The following PIK3C2G variants were observed in gnomAD, a reference collection of about 807,000 sequenced individuals.
PIK3C2G encodes phosphatidylinositol-4-phosphate 3-kinase catalytic subunit type 2 gamma.
In PIK3C2G, 168 loss-of-function variants were observed where a neutral mutation model predicts 181.1. The ratio of observed to expected loss-of-function variants is 0.93; its 90% CI spans 0.82 to 1.05. The LOEUF is 1.05. PIK3C2G is among the 50% of genes least tolerant of loss of function. PIK3C2G has a pLI of 0.00. For synonymous variants in PIK3C2G, 573 were observed against 592.2 expected, an observed-to-expected ratio of 0.97 and a Z score of 0.47; for missense variants, 1,869 against 1,732.8, an observed-to-expected ratio of 1.08 and a Z score of -1.40.
At chr12:18,382,890 A>C (rs1942933510) in intron 14 of PIK3C2G, among the ~76,000 whole-genome samples, 7 of 152,134 alleles carry the variant, frequency 4.6e-5, no homozygotes. Flanking sequence ...AAAATATTTA[A>C]CATGGAAAGG....
chr12:18,368,894 GTTTGA>G (rs952475713), intron 12 of PIK3C2G, among the ~76,000 whole-genome samples: 2 of 152,120 alleles, frequency 1.3e-5, no homozygotes, highest in Non-Finnish European at 2.9e-5. Flanking sequence ...AGTCACCAAT[GTTTGA>G]TTTGAAACCC....
rs760688996 is a variant in PIK3C2G, at chr12:18,320,995, C to G, written c.1171C>G (p.Gln391Glu). The stretch of plus-strand genomic sequence containing the variant: ...GGACCACAGTCAGTTTTATCTGAAT[C>G]AACTTCTAGAATTTATGCATATTTG... Reference protein sequence around the residue: ...EEDHSQFYLNQLLEFMHIWKV... With the variant: ...EEDHSQFYLNELLEFMHIWKV... The change falls in exon 7 of 33, where the codon CAA becomes GAA. Residue 391 changes from glutamine (Q) to glutamate (E), a missense_variant. Coordinates refer to ENST00000538779, the MANE Select transcript of PIK3C2G (RefSeq NM_001288772.2). 3 of 1,570,104 alleles carry G rather than the reference C, an allele frequency of 1.9e-6. No homozygotes were observed. In the Admixed American group the frequency reaches 5.1e-5, roughly 27 times the overall value.
intron 18 of PIK3C2G, among the ~76,000 whole-genome samples, chr12:18,487,331 AT>A (rs1344901553): frequency 2.6e-5 from 4 of 152,174 alleles, no homozygotes; most frequent in Non-Finnish European, 5.9e-5. Context: ...TTGAATAAAA[AT>A]AATTTGTTTG....
intron 24 of PIK3C2G, among the ~76,000 whole-genome samples, chr12:18,512,367 T>C (rs746667478): frequency 2.6e-5 from 4 of 151,994 alleles, no homozygotes; most frequent in Non-Finnish European, 5.9e-5. Context: ...CTGGTTTTTA[T>C]AGGAATTGCA....
intron 8 of PIK3C2G, among the ~76,000 whole-genome samples, chr12:18,326,022 T>C (rs546857317): frequency 6.6e-6 from 1 of 152,274 alleles, no homozygotes; most frequent in African/African-American, 2.4e-5. Context: ...AACACTCTAC[T>C]ATAGGGATGA....
intron 31 of PIK3C2G, among the ~76,000 whole-genome samples, chr12:18,638,878 C>T (rs970001712): frequency 1.3e-5 from 2 of 151,016 alleles, no homozygotes; most frequent in Admixed American, 1.3e-4. Flanking sequence ...GGCAGGATAT[C>T]CTCAAGTTCC....
At position 18,393,993 on chromosome 12, in the gene PIK3C2G, G is replaced by A. The variant is rs139782888; in HGVS notation, c.2126+2741G>A. On this transcript the variant is annotated intron_variant, in intron 15 of 32. Coordinates refer to ENST00000538779, the MANE Select transcript of PIK3C2G (RefSeq NM_001288772.2). Reference sequence around the variant, plus strand: ...AGTCTTCTTAAATATTTGGTTGAGTGCTAAACTACTCAACTTTCCAGGTGG... The same window carrying A: ...AGTCTTCTTAAATATTTGGTTGAGTACTAAACTACTCAACTTTCCAGGTGG... Among the ~76,000 whole-genome samples the A allele has an allele frequency of 2.4e-3, 366 of 152,174 alleles. 1 individual carries two copies. The highest frequency in any genetic ancestry group is 8.2e-3 in the African/African-American group (339 of 41,552).
chr12:18,723,465 T>C, the PIK3C2G span: 1 of 1,613,134 alleles, frequency 6.2e-7, no homozygotes, highest in Non-Finnish European at 8.5e-7. Context: ...CAATAATTTC[T>C]TCTCTGTGCG....
rs965207564 is a variant in PIK3C2G at position 18,527,333 on chromosome 12, C to T, written c.3324-10823C>T. Among the ~76,000 whole-genome samples the T allele has an allele frequency of 2.0e-5, 3 of 152,076 alleles. No individual in the cohort carries two copies. In the East Asian group the frequency reaches 5.8e-4, roughly 29 times the overall value. On this transcript the variant is annotated intron_variant, in intron 24 of 32. Coordinates refer to ENST00000538779, the MANE Select transcript of PIK3C2G (RefSeq NM_001288772.2). ...GTAGTATCCAACTAAAGAAATAGTG[C>T]CCCACTTCTGTTGCTGGGGGAAACA...
chr12:18,476,040 A>G (rs1319075267), intron 18 of PIK3C2G, among the ~76,000 whole-genome samples: 1 of 152,200 alleles, frequency 6.6e-6, no homozygotes. Context: ...AAAATCTAGT[A>G]GGAGAAAGAC....
chr12:18,719,642 T>C, the PIK3C2G span: 1 of 1,547,830 alleles, frequency 6.5e-7, no homozygotes, highest in Non-Finnish European at 8.8e-7. Flanking sequence ...ACTAAAAAAA[T>C]AAAATAAAAT....
intron 5 of PIK3C2G, among the ~76,000 whole-genome samples, chr12:18,302,483 G>T (rs765924590): frequency 1.7e-4 from 26 of 152,146 alleles, no homozygotes; most frequent in Non-Finnish European, 3.5e-4. Context: ...AATGTTATGG[G>T]TGGGCAGGGC....
chr12:18,511,177 A>G (rs1639482206), intron 24 of PIK3C2G, among the ~76,000 whole-genome samples: 1 of 152,086 alleles, frequency 6.6e-6, no homozygotes, highest in African/African-American at 2.4e-5. Flanking sequence ...TTTAAAACTA[A>G]ATAGTATTTC....
chr12:18,663,440 T>C, the PIK3C2G span, among the ~76,000 whole-genome samples: 1 of 152,108 alleles, frequency 6.6e-6, no homozygotes, highest in East Asian at 1.9e-4. Context: ...AATGTAGAGA[T>C]TATTTAAACT....
intron 30 of PIK3C2G, among the ~76,000 whole-genome samples, chr12:18,605,796 T>C (rs552878611): frequency 6.6e-6 from 1 of 152,220 alleles, no homozygotes; most frequent in African/African-American, 2.4e-5. Flanking sequence ...CTGTTTTTCT[T>C]ATGTTGTAGC....
chr12:18,335,854 A>T (rs1938481408), intron 8 of PIK3C2G, among the ~76,000 whole-genome samples: 1 of 152,190 alleles, frequency 6.6e-6, no homozygotes, highest in Non-Finnish European at 1.5e-5. Context: ...AGTAGATCAC[A>T]TAAGAAGTAC....
At chr12:18,550,459 C>T (rs2136287870) in intron 26 of PIK3C2G, among the ~76,000 whole-genome samples, 1 of 151,910 alleles carries the variant, frequency 6.6e-6, no homozygotes, top group South Asian at 2.1e-4. Context: ...GTGCTGTGTT[C>T]CCTGATATCA....
chr12:18,425,824 C>T (rs1351940527), intron 18 of PIK3C2G, among the ~76,000 whole-genome samples: 6 of 152,128 alleles, frequency 3.9e-5, no homozygotes, highest in African/African-American at 1.4e-4. Context: ...CTGAATGATT[C>T]TGTGAAAAGA....
rs1324139872 is a variant in PIK3C2G at position 18,346,659 on chromosome 12, C to T, written c.1448C>T (p.Thr483Ile). 1 of 1,609,794 alleles carries T rather than the reference C, an allele frequency of 6.2e-7. No individual in the cohort carries two copies. The highest frequency in any genetic ancestry group is 1.3e-5 in the African/African-American group (1 of 74,764). ...TSAKGLIEKVTTELSTSIYQL... is the reference protein window; with the variant it reads ...TSAKGLIEKVITELSTSIYQL... ...TTTCTAGGCTTGATAGAGAAGGTAA[C>T]AACTGAACTATCCACATCCATCTAC... The change falls in exon 11 of 33, where the codon ACA (threonine) becomes ATA (isoleucine). Residue 483 changes from threonine to isoleucine, a missense_variant. Thr to Ile is a moderately conservative substitution (Grantham distance 89). Coordinates refer to ENST00000538779, the MANE Select transcript of PIK3C2G (RefSeq NM_001288772.2).
Sources: allele counts gnomAD v4.1 joint callset (sites outside exome capture counted in the v4.1 genomes callset), GRCh38; gene constraint gnomAD v4.1.1; transcripts MANE v1.5; gene names NCBI Gene and HGNC (gene_info 2026-07-23, HGNC 2026-07-21).